Variants in CHMP3 observed in about 807,000 individuals in gnomAD.
CHMP3 encodes charged multivesicular body protein 3, also known as 25.1 protein.
Under a neutral mutation model 27.4 loss-of-function variants are expected in CHMP3, and 8 were observed. The ratio of observed to expected loss-of-function variants is 0.29; its 90% CI spans 0.17 to 0.53. CHMP3 has a LOEUF of 0.53. Among genes scored for constraint, CHMP3 ranks in the 20% least tolerant of loss-of-function variants. CHMP3 has a pLI of 0.96. For missense variants in CHMP3, 208 were observed against 271.5 expected, an observed-to-expected ratio of 0.77 and a Z score of 1.64; for synonymous variants, 86 against 85.5, an observed-to-expected ratio of 1.01 and a Z score of -0.03.
At chr2:86,549,654 C>CTGTAATCTTAGCACTTTGGGAGGCCAA (rs1676795480) in intron 1 of CHMP3, among the ~76,000 whole-genome samples, 1 of 149,002 alleles carries the variant, frequency 6.7e-6, no homozygotes, top group African/African-American at 2.5e-5. Context: ...CGGGCAGAGG[C>CTGTAATCTTAGCACTTTGGGAGGCCAA]GCCCCTCACT....
At chr2:86,526,927 G>A (rs1675735489) in intron 3 of CHMP3, 12 of 152,084 alleles carry the variant, frequency 7.9e-5, no homozygotes, top group Admixed American at 7.9e-4. Flanking sequence ...AAAAGACGCA[G>A]AATGGTATCT....
chr2:86,533,689 G>C (rs1402787969), intron 2 of CHMP3, among the ~76,000 whole-genome samples: 2 of 152,096 alleles, frequency 1.3e-5, no homozygotes, highest in Admixed American at 6.6e-5. Context: ...ATTTTTGATA[G>C]AGACAGGGTT....
intron 2 of CHMP3, among the ~76,000 whole-genome samples, chr2:86,536,934 C>T (rs1032531776): frequency 6.6e-6 from 1 of 151,860 alleles, no homozygotes; most frequent in African/African-American, 2.4e-5. Context: ...GCTCTGTTGC[C>T]CATGCTGGAG....
At chr2:86,542,450 G>T in intron 1 of CHMP3, 138 bp from the exon 2 acceptor site, 1 of 818,822 alleles carries the variant, frequency 1.2e-6, no homozygotes, top group Non-Finnish European at 1.9e-6. Context: ...GAGCTTTAGG[G>T]TCAAATTTTA....
At chr2:86,533,641 C>T (rs954949681) in intron 2 of CHMP3, among the ~76,000 whole-genome samples, 1 of 151,910 alleles carries the variant, frequency 6.6e-6, no homozygotes, top group Non-Finnish European at 1.5e-5. Flanking sequence ...CAAGTAGCTG[C>T]GACTACCCAC....
intron 1 of CHMP3, among the ~76,000 whole-genome samples, chr2:86,550,377 G>A (rs1266439354): frequency 6.6e-6 from 1 of 151,298 alleles, no homozygotes; most frequent in Admixed American, 6.6e-5. Flanking sequence ...CGGAGACGGA[G>A]AGGAGAGGGA....
At chr2:86,527,558 T>G (rs898053360) in intron 3 of CHMP3, among the ~76,000 whole-genome samples, 1 of 152,248 alleles carries the variant, frequency 6.6e-6, no homozygotes, top group South Asian at 2.1e-4. Context: ...TTAAACTATT[T>G]CTTTATGGCA....
intron 1 of CHMP3, among the ~76,000 whole-genome samples, chr2:86,559,371 C>CA (rs1476480705): frequency 2.0e-5 from 3 of 152,212 alleles, no homozygotes; most frequent in Admixed American, 2.0e-4. Context: ...CTCCAGCTTA[C>CA]AGACAGCATA....
At chr2:86,536,523 C>T (rs1018301344) in intron 2 of CHMP3, among the ~76,000 whole-genome samples, 1 of 151,428 alleles carries the variant, frequency 6.6e-6, no homozygotes, top group Non-Finnish European at 1.5e-5. Context: ...AGTATTGAAT[C>T]CACTGCTTTC....
At chr2:86,548,556 A>G (rs890367419) in intron 1 of CHMP3, among the ~76,000 whole-genome samples, 2 of 152,236 alleles carry the variant, frequency 1.3e-5, no homozygotes, top group Admixed American at 6.5e-5. Context: ...TTCTTAGTAC[A>G]GAACAAAATG....
chr2:86,507,411 C>T (rs575224598), intron 5 of CHMP3, 68 bp downstream of exon 5: 2 of 1,385,702 alleles, frequency 1.4e-6, no homozygotes, highest in Non-Finnish European at 2.1e-6. Flanking sequence ...AAGCTACTAG[C>T]TAATTTAGTG....
intron 2 of CHMP3, among the ~76,000 whole-genome samples, chr2:86,536,209 G>A (rs1214918115): frequency 4.0e-5 from 6 of 150,432 alleles, no homozygotes; most frequent in African/African-American, 9.8e-5. Context: ...CGTTTTAGCC[G>A]GGATGGTCTC....
intron 4 of CHMP3, among the ~76,000 whole-genome samples, chr2:86,508,727 C>G (rs994965324): frequency 6.6e-6 from 1 of 152,188 alleles, no homozygotes; most frequent in African/African-American, 2.4e-5. Flanking sequence ...ACCCTCTATC[C>G]TGCCTGCCTG....
At chr2:86,525,094 C>G (rs1203008704) in intron 3 of CHMP3, among the ~76,000 whole-genome samples, 1 of 152,048 alleles carries the variant, frequency 6.6e-6, no homozygotes, top group Non-Finnish European at 1.5e-5. Context: ...TATGCTGAAA[C>G]CTAAATAAAT....
chr2:86,511,269 G>A (rs1245593365), intron 3 of CHMP3: 1 of 152,146 alleles, frequency 6.6e-6, no homozygotes, highest in Non-Finnish European at 1.5e-5. Context: ...GTGGAATCCA[G>A]ACCCTAGGAA....
intron 2 of CHMP3, among the ~76,000 whole-genome samples, chr2:86,529,625 T>C (rs1675836485): frequency 6.6e-6 from 1 of 152,206 alleles, no homozygotes; most frequent in Non-Finnish European, 1.5e-5. Context: ...CTTTCTAACA[T>C]TTGTTGGTAC....
chr2:86,527,290 C>T (rs1675752335), intron 3 of CHMP3: 4 of 151,078 alleles, frequency 2.6e-5, no homozygotes, highest in Non-Finnish European at 4.4e-5. Flanking sequence ...ATAATAGGTA[C>T]ATAAAGACTT....
intron 1 of CHMP3, among the ~76,000 whole-genome samples, chr2:86,554,138 C>T (rs1211225978): frequency 6.6e-6 from 1 of 152,138 alleles, no homozygotes; most frequent in African/African-American, 2.4e-5. Context: ...CATCTATGAA[C>T]CAAAAAGCAG....
At chr2:86,560,561 G>A (rs563590737) in intron 1 of CHMP3, among the ~76,000 whole-genome samples, 22 of 152,018 alleles carry the variant, frequency 1.4e-4, no homozygotes, top group Non-Finnish European at 3.1e-4. Flanking sequence ...GCCTGTCAGG[G>A]GTTGGGGGTT....
Sources: gnomAD v4.1 joint callset for allele counts (sites outside exome capture counted in the v4.1 genomes callset) on GRCh38, gnomAD v4.1.1 for gene constraint, MANE v1.5 for transcripts, NCBI Gene and HGNC (gene_info 2026-07-23, HGNC 2026-07-21) for gene names.